Variants in ZNF560 observed in about 807,000 individuals in gnomAD.
The protein encoded by ZNF560 is zinc finger protein 560.
Under a neutral mutation model 81.8 loss-of-function variants are expected in ZNF560, and 54 were observed. The observed-to-expected ratio is 0.66, with a 90% CI of 0.53 to 0.83. The LOEUF is 0.83. Among genes scored for constraint, ZNF560 ranks in the 40% least tolerant of loss-of-function variants. ZNF560 has a pLI of 0.00. For synonymous variants in ZNF560, 321 were observed against 317.9 expected (o/e 1.01, Z -0.10); for missense variants, 940 against 932.4 (o/e 1.01, Z -0.11).
the ZNF560 span, among the ~76,000 whole-genome samples, chr19:9,456,991 C>T: frequency 6.6e-6 from 1 of 152,174 alleles, no homozygotes; most frequent in African/African-American, 2.4e-5. Flanking sequence ...ACTTAGGATA[C>T]CATTTTTGAT....
the ZNF560 span, among the ~76,000 whole-genome samples, chr19:9,455,760 C>T: frequency 6.6e-6 from 1 of 152,104 alleles, no homozygotes; most frequent in South Asian, 2.1e-4. Flanking sequence ...AGGGAAAGCA[C>T]ATTTAGTTGA....
intron 2 of ZNF560, among the ~76,000 whole-genome samples, chr19:9,481,464 C>G (rs2073288307): frequency 6.6e-6 from 1 of 152,198 alleles, no homozygotes; most frequent in Admixed American, 6.5e-5. Flanking sequence ...GCAAAAGAAA[C>G]TGCCATCAGA....
intron 9 of ZNF560, among the ~76,000 whole-genome samples, chr19:9,468,725 CT>C (rs3068756): frequency 0.013 from 1,653 of 123,020 alleles, 8 homozygotes; most frequent in African/African-American, 0.037. Context: ...CTGCTGATTT[CT>C]TTTTTTTTTT....
intron 2 of ZNF560, among the ~76,000 whole-genome samples, chr19:9,495,252 T>C (rs1324249734): frequency 6.6e-6 from 1 of 152,210 alleles, no homozygotes; most frequent in African/African-American, 2.4e-5. Flanking sequence ...CTATAGAATT[T>C]GATGACTGAT....
At chr19:9,450,811 TGAGCCACC>T in the ZNF560 span, among the ~76,000 whole-genome samples, 2 of 152,174 alleles carry the variant, frequency 1.3e-5, no homozygotes, top group African/African-American at 4.8e-5. Flanking sequence ...ATTACAGGCA[TGAGCCACC>T]ACACCAAATC....
At chr19:9,463,136 A>G (rs779426778), downstream of ZNF560, among the ~76,000 whole-genome samples, 1 of 152,238 alleles carries the variant, frequency 6.6e-6, no homozygotes, top group African/African-American at 2.4e-5. Context: ...TACAGATAAT[A>G]TGAAATGTGG....
chr19:9,450,327 C>T, the ZNF560 span, among the ~76,000 whole-genome samples: 1 of 151,746 alleles, frequency 6.6e-6, no homozygotes, highest in Non-Finnish European at 1.5e-5. Context: ...GATGCGCACT[C>T]TAACCACTGC....
At chr19:9,459,197 AG>A in the ZNF560 span, among the ~76,000 whole-genome samples, 3 of 152,234 alleles carry the variant, frequency 2.0e-5, no homozygotes, top group Admixed American at 6.5e-5. Context: ...AAAAACAGAA[AG>A]GGGGAGACAG....
chr19:9,465,052 A>C (rs910794809), downstream of ZNF560, among the ~76,000 whole-genome samples: 1 of 152,122 alleles, frequency 6.6e-6, no homozygotes, highest in Non-Finnish European at 1.5e-5. Context: ...ACTTCTGAAC[A>C]TATCTTACAT....
intron 2 of ZNF560, among the ~76,000 whole-genome samples, chr19:9,479,751 TAA>T (rs1335211779): frequency 6.6e-6 from 1 of 152,176 alleles, no homozygotes; most frequent in Non-Finnish European, 1.5e-5. Context: ...GCATTTACTT[TAA>T]GTTTTACAGT....
chr19:9,491,189 C>T (rs2073467108), intron 2 of ZNF560, among the ~76,000 whole-genome samples: 1 of 152,072 alleles, frequency 6.6e-6, no homozygotes, highest in Admixed American at 6.6e-5. Flanking sequence ...CACGGCTCAC[C>T]ACAACCTCCA....
At chr19:9,499,572 C>T (rs1269234433), upstream of ZNF560, among the ~76,000 whole-genome samples, 1 of 152,170 alleles carries the variant, frequency 6.6e-6, no homozygotes, top group Non-Finnish European at 1.5e-5. Context: ...GATTCAAAGC[C>T]TCCTGTACTA....
At chr19:9,491,105 C>T (rs1317112059) in intron 2 of ZNF560, among the ~76,000 whole-genome samples, 1 of 151,968 alleles carries the variant, frequency 6.6e-6, no homozygotes, top group Non-Finnish European at 1.5e-5. Flanking sequence ...GCTAAATAAA[C>T]AAAGTTGGTT....
chr19:9,479,665 A>T (rs935398473), intron 2 of ZNF560, among the ~76,000 whole-genome samples: 1 of 152,162 alleles, frequency 6.6e-6, no homozygotes, highest in Non-Finnish European at 1.5e-5. Flanking sequence ...GCATGGGTCC[A>T]ACTTTATTAT....
chr19:9,457,640 C>A, the ZNF560 span, among the ~76,000 whole-genome samples: 1 of 152,172 alleles, frequency 6.6e-6, no homozygotes, highest in Admixed American at 6.5e-5. Flanking sequence ...TAGCTCCTGA[C>A]GCAATTCAGA....
intron 2 of ZNF560, among the ~76,000 whole-genome samples, chr19:9,481,473 G>C (rs561511322): frequency 1.1e-4 from 17 of 152,202 alleles, no homozygotes; most frequent in Admixed American, 1.1e-3. Flanking sequence ...ACTGCCATCA[G>C]AGTGAACAGG....
At chr19:9,446,365 T>TACACACACACACAC in the ZNF560 span, among the ~76,000 whole-genome samples, 606 of 145,228 alleles carry the variant, frequency 4.2e-3, 6 homozygotes, top group African/African-American at 0.012. Flanking sequence ...TGCCAAGTCA[T>TACACACACACACAC]ACACACACAC....
Position 9,483,762 on chromosome 19 carries a change from T to G in ZNF560, c.-56-8393A>C, listed in dbSNP as rs551750901. ...CCCCTTCTGGGAAGTGAGGAGCCCC[T>G]CTGCCCGGCCGCCACCCCATCTGGG... On this transcript the variant is annotated intron_variant, in intron 2 of 9. Transcript: ENST00000301480. Among the ~76,000 whole-genome samples, 374 of 152,130 alleles carry G rather than the reference T, an allele frequency of 2.5e-3. 2 individuals carry two copies. The highest frequency in any genetic ancestry group is 8.8e-3 in the African/African-American group (365 of 41,500).
upstream of ZNF560, among the ~76,000 whole-genome samples, chr19:9,500,903 T>G (rs934024667): frequency 6.6e-6 from 1 of 152,088 alleles, no homozygotes; most frequent in Non-Finnish European, 1.5e-5. Context: ...CAAGGAAAAG[T>G]GTTGGGTTTC....
Sources: gnomAD v4.1 joint callset for allele counts (sites outside exome capture counted in the v4.1 genomes callset) on GRCh38, gnomAD v4.1.1 for gene constraint, MANE v1.5 for transcripts, NCBI Gene and HGNC (gene_info 2026-07-23, HGNC 2026-07-21) for gene names.